Variants in ZNF483 observed in about 807,000 individuals in gnomAD.
ZNF483 encodes zinc finger protein 483.
Under a neutral mutation model 28.6 loss-of-function variants are expected in ZNF483, and 9 were observed. The ratio of observed to expected loss-of-function variants is 0.32; its 90% CI spans 0.19 to 0.55. ZNF483 has a LOEUF of 0.55. Among genes scored for constraint, ZNF483 ranks in the 20% least tolerant of loss-of-function variants. The pLI, the probability that ZNF483 is intolerant of heterozygous loss-of-function variation, is 0.93. For synonymous variants in ZNF483, 322 were observed against 306.2 expected, an observed-to-expected ratio of 1.05 and a Z score of -0.54; for missense variants, 675 against 871.7, an observed-to-expected ratio of 0.77 and a Z score of 2.84.
Position 111,533,913 on chromosome 9 carries a change from T to C in ZNF483, c.628+48T>C, listed in dbSNP as rs990104150. ...ACCTAGCGTTTAACCTTGGGTCTCT[T>C]TTTGTTCCCTTTTATTGAAAGGTAA... On this transcript the variant is annotated intron_variant, in intron 4 of 5. Coordinates refer to ENST00000309235, the MANE Select transcript of ZNF483 (RefSeq NM_133464.5). 3.2e-6 allele frequency: 5 copies of C among 1,570,324 alleles called. No homozygotes were observed. In the African/African-American group the frequency reaches 5.6e-5, roughly 17 times the overall value.
chr9:111,542,204 A>T lies in ZNF483; in HGVS notation c.1269A>T (p.Glu423Asp). Residue 423 changes from glutamate to aspartate, a missense_variant, in exon 6 of 6, where the codon GAA (glutamate) becomes GAT (aspartate). Glu to Asp is a conservative substitution (Grantham distance 45). Transcript: ENST00000309235. This position sits in a 1 kb window ranked among gnomAD's most constrained non-coding sequence, Gnocchi z 6.2. ...AATGTCGGAAAGATTCATGTCAAGA[A>T]GCAGCCTTAAATAAAGATGAGGGAA... is the stretch of plus-strand genomic sequence containing the variant. ...CEKCRKDSCQEAALNKDEGNE... is the reference protein window; with the variant it reads ...CEKCRKDSCQDAALNKDEGNE... The T allele has an allele frequency of 6.2e-7, 1 of 1,614,140 alleles. No individual in the cohort carries two copies. Among genetic ancestry groups the T allele is most frequent in the Non-Finnish European group, 8.5e-7 (1 of 1,180,032 alleles).
At chr9:111,527,199 A>G in intron 1 of ZNF483, 69 bp from the exon 2 acceptor site, 1 of 518,294 alleles carries the variant, frequency 1.9e-6, no homozygotes, top group Non-Finnish European at 3.3e-6. Flanking sequence ...AACCAAACCA[A>G]GAACGATGTT....
At chr9:111,533,620 T>G in intron 3 of ZNF483, 119 bp from the exon 4 acceptor site, 1 of 1,020,420 alleles carries the variant, frequency 9.8e-7, no homozygotes, top group Non-Finnish European at 1.3e-6. Flanking sequence ...CAGTGAACCA[T>G]GAAGCACCAC....
At chr9:111,576,079 G>C (rs989988196) in intron 5 of ZNF483, among the ~76,000 whole-genome samples, 7 of 151,890 alleles carry the variant, frequency 4.6e-5, no homozygotes, top group African/African-American at 1.7e-4. Flanking sequence ...AGGTTGGCTT[G>C]AACCTGGGAG....
Position 111,548,453 on chromosome 9 carries a change from T to G in ZNF483, c.*5283T>G, listed in dbSNP as rs148996361. 3.7e-3 allele frequency among the ~76,000 whole-genome samples: 562 copies of G among 152,012 alleles called. 2 individuals carry two copies. Among genetic ancestry groups the G allele is most frequent in the African/African-American group, 0.013 (545 of 41,288 alleles). On this transcript the variant is annotated 3_prime_UTR_variant, in exon 6 of 6. Transcript: ENST00000309235. Reference sequence around the variant, plus strand: ...TGAAGCATAACTGAGTTTTGAGTGTTGATTTTGTATCTTGCAACTTTGCTG... The same window carrying G: ...TGAAGCATAACTGAGTTTTGAGTGTGGATTTTGTATCTTGCAACTTTGCTG...
downstream of ZNF483, among the ~76,000 whole-genome samples, chr9:111,578,075 C>T (rs192582702): frequency 3.6e-3 from 545 of 151,940 alleles, 7 homozygotes; most frequent in African/African-American, 0.013. Context: ...GACTTCTACA[C>T]GTTAAATGAG....
chr9:111,550,072 G>GT lies in ZNF483; in HGVS notation c.*6908dup, dbSNP rs1589280626. On this transcript the variant is annotated 3_prime_UTR_variant, in exon 6 of 6. Transcript: ENST00000309235. ...TTTGTTGTTGTTTTTTGTGTTGTGT[G>GT]TTTTTTGTTTTCGTTTTTGTTTTAC... Among the ~76,000 whole-genome samples, 2 of 152,150 alleles carry GT rather than the reference G, an allele frequency of 1.3e-5. No homozygotes were observed. The highest frequency in any genetic ancestry group is 3.9e-4 in the East Asian group (2 of 5,180).
chr9:111,538,043 T>C (rs894853360), intron 5 of ZNF483, among the ~76,000 whole-genome samples: 4 of 152,282 alleles, frequency 2.6e-5, no homozygotes, highest in African/African-American at 9.6e-5. Context: ...ACTTGATAAT[T>C]TGTGTACATT....
At chr9:111,535,841 G>A (rs896934698) in intron 5 of ZNF483, among the ~76,000 whole-genome samples, 2 of 151,668 alleles carry the variant, frequency 1.3e-5, no homozygotes, top group Non-Finnish European at 1.5e-5. Flanking sequence ...CACCGTGCCC[G>A]GCCAGGATTA....
rs1827923779 is a variant in ZNF483 at position 111,550,966 on chromosome 9, T to C, written c.*7796T>C. On this transcript the variant is annotated 3_prime_UTR_variant, in exon 6 of 6. Transcript: ENST00000309235. ...GAGGCTTTCCTGAAGCCTCTGATGA[T>C]CTTTGACTATTTATATTTAAGAGCA... Among the ~76,000 whole-genome samples the C allele has an allele frequency of 6.6e-6, 1 of 152,210 alleles. No homozygotes were observed. Among genetic ancestry groups the C allele is most frequent in the African/African-American group, 2.4e-5 (1 of 41,450 alleles).
In ZNF483 at chr9:111,573,931, A is replaced by G. The variant is rs181483061; in HGVS notation, c.722-2434A>G. 3.9e-4 allele frequency among the ~76,000 whole-genome samples: 59 copies of G among 152,276 alleles called. No homozygotes were observed. In the East Asian group the frequency reaches 0.011, roughly 28 times the overall value. ...CCAGAGAAATAAAACAAGGACAATC[A>G]AGGAATGGAGGGAAGCTGCTGCTCC... On this transcript the variant is annotated intron_variant, in intron 5 of 5. Transcript: ENST00000358151.
In ZNF483 at chr9:111,544,463, G is replaced by A; in HGVS notation, c.*1293G>A. On this transcript the variant is annotated 3_prime_UTR_variant, in exon 6 of 6. Coordinates refer to ENST00000309235, the MANE Select transcript of ZNF483 (RefSeq NM_133464.5). ...AAATTATAAGGGCTAACAACACTGGGCTTTTATTTATGTAAAGCACTCAGC... is the reference window on the plus strand; with the variant it reads ...AAATTATAAGGGCTAACAACACTGGACTTTTATTTATGTAAAGCACTCAGC... The A allele has an allele frequency of 1.4e-6, 1 of 718,318 alleles. No individual in the cohort carries two copies. The highest frequency in any genetic ancestry group is 1.7e-6 in the Non-Finnish European group (1 of 585,814). The allele number at this position is 718,318 out of a possible 1,614,324, so 44.5% of individuals were successfully genotyped here.
intron 5 of ZNF483, among the ~76,000 whole-genome samples, chr9:111,567,693 G>A (rs1828625096): frequency 6.6e-6 from 1 of 152,154 alleles, no homozygotes; most frequent in Admixed American, 6.5e-5. Flanking sequence ...GCATGGTTTG[G>A]ATCATAAGAA....
intron 3 of ZNF483, among the ~76,000 whole-genome samples, chr9:111,532,663 G>A (rs1319126354): frequency 1.3e-5 from 2 of 152,192 alleles, no homozygotes; most frequent in Admixed American, 1.3e-4. Context: ...ATTTGTTACA[G>A]CTCCCAGAGG....
At position 111,527,394 on chromosome 9, in the gene ZNF483, C is replaced by G. The variant is rs1339810828; in HGVS notation, c.-2C>G. ...GGACTGGATTCCTGCCCCTGAGACA[C>G]AATGCAAGCTGTAGTGCCCTTGAAC... On this transcript the variant is annotated 5_prime_UTR_variant, in exon 2 of 6. Transcript: ENST00000309235. The G allele has an allele frequency of 6.2e-7, 1 of 1,611,918 alleles. No individual in the cohort carries two copies. The highest frequency in any genetic ancestry group is 8.5e-7 in the Non-Finnish European group (1 of 1,179,152).
chr9:111,557,129 G>C (rs1354243068), downstream of ZNF483, among the ~76,000 whole-genome samples: 1 of 152,152 alleles, frequency 6.6e-6, no homozygotes, highest in East Asian at 1.9e-4. Flanking sequence ...CATTTCCGCA[G>C]CCTTCTTGAA....
chr9:111,555,565 T>C (rs1381167554), downstream of ZNF483, among the ~76,000 whole-genome samples: 1 of 152,186 alleles, frequency 6.6e-6, no homozygotes, highest in African/African-American at 2.4e-5. Context: ...TGACTCACAG[T>C]TCCGCAGGCT....
chr9:111,543,228 C>G lies in ZNF483; in HGVS notation c.*58C>G. 6.5e-7 allele frequency: 1 copy of G among 1,532,730 alleles called. No individual in the cohort carries two copies. Among genetic ancestry groups the G allele is most frequent in the Non-Finnish European group, 8.7e-7 (1 of 1,145,324 alleles). 94.9% of individuals were successfully genotyped at this position (1,532,730 alleles called of 1,614,324 possible). ...ATTCAAATTGTCAGTTACTGAAACC[C>G]TGGGATGTAAACTTACAGTATTGAT... On this transcript the variant is annotated 3_prime_UTR_variant, in exon 6 of 6. Coordinates refer to ENST00000309235, the MANE Select transcript of ZNF483 (RefSeq NM_133464.5).
chr9:111,561,163 GA>G (rs2132309827), intron 5 of ZNF483, among the ~76,000 whole-genome samples: 1 of 141,816 alleles, frequency 7.1e-6, no homozygotes, highest in African/African-American at 2.6e-5. Context: ...GAGAGAGAGA[GA>G]GAGAGAGAGA....
Sources: gnomAD v4.1 joint callset for allele counts (sites outside exome capture counted in the v4.1 genomes callset) on GRCh38, gnomAD v4.1.1 for gene constraint, Gnocchi (gnomAD v3.1) non-coding constraint, MANE v1.5 for transcripts, NCBI Gene and HGNC (gene_info 2026-07-23, HGNC 2026-07-21) for gene names.